NCKAP5: variants seen among roughly 807,000 people sequenced by gnomAD.
NCKAP5 encodes the protein NCK associated protein 5.
Under a neutral mutation model 167.0 loss-of-function variants are expected in NCKAP5, and 92 were observed. The ratio of observed to expected loss-of-function variants is 0.55; its 90% confidence interval spans 0.47 to 0.66. The LOEUF is 0.66. Among genes scored for constraint, NCKAP5 ranks in the 30% least tolerant of loss-of-function variants. NCKAP5 has a pLI of 0.00. For synonymous variants in NCKAP5, 891 were observed against 877.4 expected, an observed-to-expected ratio of 1.02 and a Z score of -0.27; for missense variants, 2,378 against 2,315.0, an observed-to-expected ratio of 1.03 and a Z score of -0.56.
chr2:133,045,930 A>G (rs531515064), intron 6 of NCKAP5, among the ~76,000 whole-genome samples: 98 of 152,198 alleles, frequency 6.4e-4, no homozygotes, highest in Non-Finnish European at 1.2e-3. Context: ...GAAATACTGG[A>G]TGCCATGACA....
intron 6 of NCKAP5, among the ~76,000 whole-genome samples, chr2:133,115,821 T>TACACACACACACAC (rs1381059236): frequency 2.2e-4 from 15 of 67,420 alleles, no homozygotes; most frequent in East Asian, 1.5e-3. Context: ...ATATATAGTG[T>TACACACACACACAC]TCACACACAC....
At chr2:133,021,340 C>A (rs879204616) in intron 6 of NCKAP5, among the ~76,000 whole-genome samples, 2 of 151,990 alleles carry the variant, frequency 1.3e-5, no homozygotes, top group Admixed American at 1.3e-4. Context: ...GAAGGGAGGC[C>A]CAGAAATGAA....
At chr2:132,883,274 T>C (rs368871158) in intron 8 of NCKAP5, among the ~76,000 whole-genome samples, 2 of 151,606 alleles carry the variant, frequency 1.3e-5, no homozygotes, top group East Asian at 3.9e-4. Flanking sequence ...TCCTATTACA[T>C]ATCCAACAAT....
intron 5 of NCKAP5, among the ~76,000 whole-genome samples, chr2:133,158,973 C>A (rs1295709443): frequency 7.5e-6 from 1 of 134,016 alleles, no homozygotes; most frequent in Non-Finnish European, 1.7e-5. Flanking sequence ...ACACCCTAAT[C>A]CCTAGAAAAT....
chr2:133,591,688 T>C, the NCKAP5 span, among the ~76,000 whole-genome samples: 1 of 152,162 alleles, frequency 6.6e-6, no homozygotes, highest in Admixed American at 6.5e-5. Flanking sequence ...CACCTTAGAA[T>C]GTGCAGAGAA....
chr2:132,945,090 A>C (rs1031993718), intron 8 of NCKAP5, among the ~76,000 whole-genome samples: 1 of 152,170 alleles, frequency 6.6e-6, no homozygotes, highest in Admixed American at 6.5e-5. Context: ...TGAGTTGGCC[A>C]AGACACTCCA....
chr2:132,989,975 G>A (rs2077403747), intron 7 of NCKAP5, among the ~76,000 whole-genome samples: 2 of 151,978 alleles, frequency 1.3e-5, no homozygotes. Flanking sequence ...AAAGCACCAA[G>A]CATTGAGTTC....
chr2:132,676,132 A>C (rs890874827), intron 19 of NCKAP5, among the ~76,000 whole-genome samples: 1 of 152,120 alleles, frequency 6.6e-6, no homozygotes, highest in Non-Finnish European at 1.5e-5. Context: ...AGATGAGGAG[A>C]TACATCTAGA....
intron 4 of NCKAP5, among the ~76,000 whole-genome samples, chr2:133,270,140 C>A (rs528235049): frequency 6.6e-6 from 1 of 152,210 alleles, no homozygotes; most frequent in South Asian, 2.1e-4. Context: ...AAGTGCCATA[C>A]AAATGTTTAT....
intron 2 of NCKAP5, among the ~76,000 whole-genome samples, chr2:133,534,835 G>T (rs1261109870): frequency 6.6e-6 from 1 of 152,014 alleles, no homozygotes; most frequent in Non-Finnish European, 1.5e-5. Flanking sequence ...TTACTCTTGG[G>T]TATATACTTA....
At chr2:133,265,371 G>A (rs188090449) in intron 4 of NCKAP5, among the ~76,000 whole-genome samples, 197 of 152,272 alleles carry the variant, frequency 1.3e-3, no homozygotes, top group African/African-American at 4.6e-3. Flanking sequence ...TGTCCTAACA[G>A]CCCTTTTTCT....
chr2:133,332,535 G>T (rs1682927909), intron 3 of NCKAP5, among the ~76,000 whole-genome samples: 1 of 152,092 alleles, frequency 6.6e-6, no homozygotes, highest in South Asian at 2.1e-4. Flanking sequence ...TTAGAATAAT[G>T]ATTCTGAGGC....
chr2:133,317,624 G>A (rs1681707462), intron 3 of NCKAP5, among the ~76,000 whole-genome samples: 1 of 152,130 alleles, frequency 6.6e-6, no homozygotes, highest in Non-Finnish European at 1.5e-5. Flanking sequence ...GGCTTCTAAT[G>A]TTATGTGGAG....
At position 133,385,032 on chromosome 2, in the gene NCKAP5, C is replaced by A. The variant is rs190534178; in HGVS notation, c.70-81922G>T. On this transcript the variant is annotated intron_variant, in intron 3 of 19. Coordinates refer to ENST00000409261, the MANE Select transcript of NCKAP5 (RefSeq NM_207363.3). ...CTTCCTGTTTTCCTAATTGAATAGG[C>A]TTTATTTCTTTCTCCTGCCTGATTG... Among the ~76,000 whole-genome samples the A allele has an allele frequency of 4.8e-3, 731 of 152,232 alleles. 5 individuals carry two copies. The highest frequency in any genetic ancestry group is 0.017 in the Middle Eastern group (5 of 294).
chr2:133,125,056 A>AATC (rs60949417), intron 6 of NCKAP5, among the ~76,000 whole-genome samples: 11,372 of 152,052 alleles, frequency 0.075, 523 homozygotes, highest in East Asian at 0.2. Context: ...CAATAATAAT[A>AATC]ATCATCATCA....
chr2:133,536,443 T>C (rs2104856779), intron 2 of NCKAP5, among the ~76,000 whole-genome samples: 1 of 152,234 alleles, frequency 6.6e-6, no homozygotes. Flanking sequence ...ATTCAGTTGA[T>C]TGTAGGTATG....
At chr2:132,730,354 G>A (rs2105469967) in intron 17 of NCKAP5, among the ~76,000 whole-genome samples, 1 of 152,290 alleles carries the variant, frequency 6.6e-6, no homozygotes, top group Non-Finnish European at 1.5e-5. Flanking sequence ...AATTAGCCAG[G>A]TATGGTGGCA....
chr2:132,985,373 A>C (rs1405553917), intron 7 of NCKAP5, among the ~76,000 whole-genome samples: 3 of 152,140 alleles, frequency 2.0e-5, no homozygotes, highest in African/African-American at 7.2e-5. Flanking sequence ...ATTCCTTTCA[A>C]AGTATTTAAC....
chr2:132,729,351 T>A (rs1343889262), intron 17 of NCKAP5, among the ~76,000 whole-genome samples: 1 of 152,246 alleles, frequency 6.6e-6, no homozygotes, highest in Non-Finnish European at 1.5e-5. Context: ...CCAATGGGCA[T>A]TAGCGTAGTT....
Sources: allele counts gnomAD v4.1 joint callset (sites outside exome capture counted in the v4.1 genomes callset), GRCh38; gene constraint gnomAD v4.1.1; transcripts MANE v1.5; gene names NCBI Gene and HGNC (gene_info 2026-07-23, HGNC 2026-07-21).